SMIM14: variants seen among roughly 807,000 people sequenced by gnomAD.
The protein encoded by SMIM14 is chromosome 4 open reading frame 34.
A neutral mutation model predicts 12.6 loss-of-function variants in SMIM14; 5 were observed. The ratio of observed to expected loss-of-function variants is 0.40; its 90% CI spans 0.21 to 0.83. The LOEUF is 0.83. SMIM14 is among the 40% of genes least tolerant of loss of function. SMIM14 has a pLI of 0.37. For synonymous variants in SMIM14, 30 were observed against 40.1 expected (o/e 0.75, Z 0.95); for missense variants, 86 against 119.1 (o/e 0.72, Z 1.29).
At chr4:39,560,534 G>A (rs1163113485) in intron 3 of SMIM14, among the ~76,000 whole-genome samples, 1 of 151,230 alleles carries the variant, frequency 6.6e-6, no homozygotes, top group Non-Finnish European at 1.5e-5. Flanking sequence ...TCTTAAAAAT[G>A]CAGAAATCCA....
intron 1 of SMIM14, among the ~76,000 whole-genome samples, chr4:39,612,836 G>A (rs1259167597): frequency 6.6e-6 from 1 of 152,220 alleles, no homozygotes; most frequent in Non-Finnish European, 1.5e-5. Context: ...TTGAGGTTAA[G>A]AACTCCACCT....
chr4:39,564,155 G>GATTATTTGT (rs1205998851), intron 3 of SMIM14, among the ~76,000 whole-genome samples: 2 of 152,222 alleles, frequency 1.3e-5, no homozygotes, highest in African/African-American at 4.8e-5. Flanking sequence ...ATCCTCAGAA[G>GATTATTTGT]ATTATTTGTA....
intron 1 of SMIM14, among the ~76,000 whole-genome samples, chr4:39,610,499 G>A (rs1028944264): frequency 1.3e-5 from 2 of 151,788 alleles, no homozygotes; most frequent in East Asian, 3.9e-4. Flanking sequence ...CTGGAAGCCT[G>A]AGCAATATAG....
chr4:39,615,224 G>A (rs1283634341), intron 1 of SMIM14, among the ~76,000 whole-genome samples: 1 of 152,078 alleles, frequency 6.6e-6, no homozygotes, highest in African/African-American at 2.4e-5. Flanking sequence ...CGTGAGCCAC[G>A]ACCTCCGGCC....
intron 1 of SMIM14, among the ~76,000 whole-genome samples, chr4:39,619,883 T>A (rs867930778): frequency 7.0e-5 from 10 of 142,086 alleles, no homozygotes; most frequent in African/African-American, 2.6e-4. Context: ...TATATTTTTT[T>A]TTTTTTAAGA....
chr4:39,591,212 T>A (rs970904705), intron 2 of SMIM14, among the ~76,000 whole-genome samples: 2 of 152,118 alleles, frequency 1.3e-5, no homozygotes, highest in Non-Finnish European at 2.9e-5. Flanking sequence ...TATTATTTTT[T>A]AAATATTTTT....
At chr4:39,615,919 G>A (rs1411919061) in intron 1 of SMIM14, among the ~76,000 whole-genome samples, 1 of 152,076 alleles carries the variant, frequency 6.6e-6, no homozygotes, top group African/African-American at 2.4e-5. Context: ...GTGGATTACT[G>A]AAAATTTAAA....
At chr4:39,608,336 T>C (rs1714893661) in intron 1 of SMIM14, among the ~76,000 whole-genome samples, 1 of 152,184 alleles carries the variant, frequency 6.6e-6, no homozygotes, top group African/African-American at 2.4e-5. Flanking sequence ...CTTCAACAGA[T>C]ACTTGTTTAC....
At chr4:39,573,468 T>C (rs1281534255) in intron 2 of SMIM14, among the ~76,000 whole-genome samples, 1 of 152,136 alleles carries the variant, frequency 6.6e-6, no homozygotes, top group Non-Finnish European at 1.5e-5. Flanking sequence ...CACAGAATAC[T>C]CTGAGGGGCT....
intron 1 of SMIM14, among the ~76,000 whole-genome samples, chr4:39,614,325 CTTT>C (rs879697540): frequency 1.4e-5 from 2 of 144,968 alleles, no homozygotes; most frequent in East Asian, 2.0e-4. Flanking sequence ...TCCTATGCTA[CTTT>C]TTTTTTTTTT....
intron 1 of SMIM14, among the ~76,000 whole-genome samples, chr4:39,611,582 G>A (rs1376143711): frequency 1.3e-5 from 2 of 151,918 alleles, no homozygotes; most frequent in African/African-American, 2.4e-5. Flanking sequence ...GCTGACACAG[G>A]AGAATCGCTT....
At chr4:39,619,879 T>A (rs368179018) in intron 1 of SMIM14, among the ~76,000 whole-genome samples, 10,443 of 136,792 alleles carry the variant, frequency 0.076, 595 homozygotes, top group East Asian at 0.19. Flanking sequence ...TATATATATT[T>A]TTTTTTTTTT....
intron 1 of SMIM14, among the ~76,000 whole-genome samples, chr4:39,631,590 C>T (rs1168116005): frequency 3.0e-4 from 45 of 150,588 alleles, no homozygotes; most frequent in African/African-American, 1.1e-3. Context: ...ACCCGGGAAG[C>T]GGAGCTTGCA....
At position 39,619,877 on chromosome 4, in the gene SMIM14, T is replaced by TATATATA. The variant is rs1553866681; in HGVS notation, c.-35-14698_-35-14697insTATATAT. Among the ~76,000 whole-genome samples the TATATATA allele has an allele frequency of 4.1e-3, 326 of 80,458 alleles. 3 individuals are homozygous for TATATATA. Among genetic ancestry groups the TATATATA allele is most frequent in the Middle Eastern group, 7.2e-3 (1 of 138 alleles). 52.8% of individuals were successfully genotyped at this position (80,458 alleles called of 152,430 possible). On this transcript the variant is annotated intron_variant, in intron 1 of 4. Transcript: ENST00000295958. ...ATATATATTTATATATATATATATA[T>TATATATA]TTTTTTTTTTTTAAGAGCAAGATAG... is the stretch of plus-strand genomic sequence containing the variant.
At chr4:39,556,602 C>T (rs1013289532) in intron 3 of SMIM14, 32 bp from the exon 4 acceptor site, 40 of 1,547,734 alleles carry the variant, frequency 2.6e-5, no homozygotes, top group Non-Finnish European at 3.4e-5. Flanking sequence ...AGCATGCTCA[C>T]AATATTGTTA....
At chr4:39,618,152 A>G (rs1294806052) in intron 1 of SMIM14, among the ~76,000 whole-genome samples, 5 of 152,208 alleles carry the variant, frequency 3.3e-5, no homozygotes, top group African/African-American at 1.2e-4. Flanking sequence ...CATCTACTCA[A>G]GTCTTGGCAA....
chr4:39,570,352 G>C (rs1002527528), intron 3 of SMIM14, among the ~76,000 whole-genome samples: 4 of 151,920 alleles, frequency 2.6e-5, no homozygotes, highest in Admixed American at 2.6e-4. Context: ...GTAGAGACAG[G>C]GTTTCCATGT....
intron 2 of SMIM14, among the ~76,000 whole-genome samples, chr4:39,590,513 A>C (rs1714014458): frequency 2.0e-5 from 3 of 150,480 alleles, no homozygotes. Flanking sequence ...AAAAATCCAT[A>C]GTTATCGGCT....
intron 1 of SMIM14, among the ~76,000 whole-genome samples, chr4:39,635,806 A>T (rs1463843515): frequency 6.6e-6 from 1 of 152,146 alleles, no homozygotes; most frequent in African/African-American, 2.4e-5. Flanking sequence ...GTTTCCTTCC[A>T]TAGCAGGCTC....
Sources: allele counts gnomAD v4.1 joint callset (sites outside exome capture counted in the v4.1 genomes callset), GRCh38; gene constraint gnomAD v4.1.1; transcripts MANE v1.5; gene names NCBI Gene and HGNC (gene_info 2026-07-23, HGNC 2026-07-21).